Variants in MGAT4C observed in about 807,000 individuals in gnomAD.
MGAT4C encodes alpha-1,3-mannosyl-glycoprotein 4-beta-N-acetylglucosaminyltransferase C.
In MGAT4C, 19 loss-of-function variants were observed where a neutral mutation model predicts 40.1. The observed-to-expected ratio is 0.47, with a 90% CI of 0.33 to 0.70. The LOEUF is 0.70. MGAT4C is among the 30% of genes least tolerant of loss of function. The probability of loss-of-function intolerance (pLI) is 0.02; values close to 1 mark genes in which losing one functional copy is unlikely to be tolerated. For synonymous variants in MGAT4C, 181 were observed against 187.1 expected (o/e 0.97, Z 0.27); for missense variants, 491 against 563.2 (o/e 0.87, Z 1.30).
chr12:86,735,442 A>T (rs1393533988), intron 1 of MGAT4C, among the ~76,000 whole-genome samples: 3 of 151,930 alleles, frequency 2.0e-5, no homozygotes, highest in Middle Eastern at 3.2e-3. Context: ...GAAGCCAGGC[A>T]GTTCAAATCT....
chr12:86,248,750 G>A (rs1461920365), intron 1 of MGAT4C, among the ~76,000 whole-genome samples: 1 of 151,930 alleles, frequency 6.6e-6, no homozygotes, highest in Non-Finnish European at 1.5e-5. Context: ...AGATGGGAGC[G>A]GTCATACATA....
chr12:86,075,538 A>G (rs754507388), intron 1 of MGAT4C, among the ~76,000 whole-genome samples: 1 of 152,126 alleles, frequency 6.6e-6, no homozygotes, highest in Non-Finnish European at 1.5e-5. Flanking sequence ...CTGTGCCTCA[A>G]TAGGGACTCT....
chr12:86,536,920 T>C (rs895413385), intron 2 of MGAT4C, among the ~76,000 whole-genome samples: 1 of 152,184 alleles, frequency 6.6e-6, no homozygotes, highest in African/African-American at 2.4e-5. Flanking sequence ...CATGCACATA[T>C]ATGTTTATTG....
At chr12:86,414,857 T>C (rs1263198523) in intron 3 of MGAT4C, among the ~76,000 whole-genome samples, 2 of 152,138 alleles carry the variant, frequency 1.3e-5, no homozygotes, top group Non-Finnish European at 2.9e-5. Context: ...TTTATGCTGC[T>C]GCATTCCATG....
chr12:86,714,849 G>A (rs920492360), intron 2 of MGAT4C, among the ~76,000 whole-genome samples: 2 of 151,682 alleles, frequency 1.3e-5, no homozygotes, highest in African/African-American at 4.9e-5. Context: ...AAGGGTAGAA[G>A]AAAGATGTAA....
intron 4 of MGAT4C, among the ~76,000 whole-genome samples, chr12:86,266,532 G>T (rs1952791563): frequency 6.6e-6 from 1 of 152,050 alleles, no homozygotes; most frequent in Non-Finnish European, 1.5e-5. Flanking sequence ...TGTTGTATTT[G>T]GTTTGCTAGT....
intron 1 of MGAT4C, among the ~76,000 whole-genome samples, chr12:86,127,570 G>T (rs1880489401): frequency 1.3e-5 from 2 of 152,054 alleles, no homozygotes; most frequent in Non-Finnish European, 2.9e-5. Flanking sequence ...CATTTTAATT[G>T]TTTTTAATTT....
At chr12:86,562,819 A>G (rs1351974846) in intron 2 of MGAT4C, among the ~76,000 whole-genome samples, 2 of 152,198 alleles carry the variant, frequency 1.3e-5, no homozygotes, top group Non-Finnish European at 2.9e-5. Context: ...TAGAAAGAAC[A>G]TAAAGTTGCA....
chr12:86,404,251 TA>T lies in MGAT4C; in HGVS notation c.-120+30905del, dbSNP rs1308291158. ...ATTTAATATTATGTCAAAATGACAA[TA>T]AAAATTACAAGACACTAAATTAATA... is the stretch of plus-strand genomic sequence containing the variant. On this transcript the variant is annotated intron_variant, in intron 3 of 7. Transcript: ENST00000548651. Among the ~76,000 whole-genome samples, 5 of 152,258 alleles carry T rather than the reference TA, an allele frequency of 3.3e-5. No individual in the cohort carries two copies. In the East Asian group the frequency reaches 9.6e-4, roughly 29 times the overall value.
chr12:86,753,184 C>T (rs1951250831), intron 1 of MGAT4C, among the ~76,000 whole-genome samples: 1 of 152,058 alleles, frequency 6.6e-6, no homozygotes, highest in South Asian at 2.1e-4. Flanking sequence ...GTAACATGTC[C>T]ATAATGGCCA....
chr12:86,383,509 C>T (rs1434611853), intron 3 of MGAT4C, among the ~76,000 whole-genome samples: 1 of 144,438 alleles, frequency 6.9e-6, no homozygotes, highest in Non-Finnish European at 1.5e-5. Flanking sequence ...CAAGATCACG[C>T]CGCTGCACTC....
intron 1 of MGAT4C, among the ~76,000 whole-genome samples, chr12:86,222,143 GAAAGA>G (rs1019482174): frequency 6.6e-6 from 1 of 152,140 alleles, no homozygotes; most frequent in African/African-American, 2.4e-5. Context: ...CTCTCTCTGA[GAAAGA>G]AAAGTATGAG....
At chr12:86,675,066 A>C (rs961521868) in intron 2 of MGAT4C, among the ~76,000 whole-genome samples, 4 of 152,110 alleles carry the variant, frequency 2.6e-5, no homozygotes. Flanking sequence ...ACTCAGAAAA[A>C]TTATATCATG....
chr12:86,299,478 A>G (rs1397431412), intron 4 of MGAT4C, among the ~76,000 whole-genome samples: 1 of 152,170 alleles, frequency 6.6e-6, no homozygotes, highest in South Asian at 2.1e-4. Context: ...AAATATGTCA[A>G]TGAGAATTTA....
At position 86,297,061 on chromosome 12, in the gene MGAT4C, T is replaced by C. The variant is rs77473899; in HGVS notation, c.-57+37004A>G. ...CCTGGAAAAGAAAATATTTCCCTAG[T>C]GAAGTAAAGAAAATTTAAATATACA... On this transcript the variant is annotated intron_variant, in intron 4 of 7. Transcript: ENST00000548651. 3.2e-4 allele frequency among the ~76,000 whole-genome samples: 49 copies of C among 152,302 alleles called. 1 individual carries two copies. Among genetic ancestry groups the C allele is most frequent in the African/African-American group, 8.4e-4 (35 of 41,574 alleles).
At chr12:86,161,637 A>G (rs1885600410) in intron 1 of MGAT4C, among the ~76,000 whole-genome samples, 1 of 152,184 alleles carries the variant, frequency 6.6e-6, no homozygotes, top group African/African-American at 2.4e-5. Context: ...CAATTGCAAT[A>G]AAAACAAATA....
chr12:86,647,925 G>T (rs1040393380), intron 2 of MGAT4C, among the ~76,000 whole-genome samples: 3 of 151,776 alleles, frequency 2.0e-5, no homozygotes, highest in African/African-American at 7.2e-5. Context: ...ACGTTTGTTT[G>T]TTTAAATAAA....
At chr12:86,095,971 A>G (rs1260360071) in intron 1 of MGAT4C, among the ~76,000 whole-genome samples, 1 of 151,886 alleles carries the variant, frequency 6.6e-6, no homozygotes, top group Non-Finnish European at 1.5e-5. Flanking sequence ...GCTCATTAGA[A>G]CAATATTTCT....
chr12:86,821,197 A>C (rs12371482), intron 1 of MGAT4C, among the ~76,000 whole-genome samples: 16,496 of 150,796 alleles, frequency 0.11, 1,157 homozygotes, highest in Non-Finnish European at 0.15. Context: ...AACAGAATAT[A>C]AACCCTTAGA....
Sources: allele counts gnomAD v4.1 joint callset (sites outside exome capture counted in the v4.1 genomes callset), GRCh38; gene constraint gnomAD v4.1.1; transcripts MANE v1.5; gene names NCBI Gene and HGNC (gene_info 2026-07-23, HGNC 2026-07-21).